NRG1: variants seen among roughly 807,000 people sequenced by gnomAD.
NRG1 encodes the protein neuregulin 1, also known as pro-neuregulin-1, membrane-bound isoform.
In NRG1, 18 loss-of-function variants were observed where a neutral mutation model predicts 63.8. The observed-to-expected ratio is 0.28, with a 90% CI of 0.19 to 0.42. NRG1 has a LOEUF of 0.42. Among genes scored for constraint, NRG1 ranks in the 10% least tolerant of loss-of-function variants. NRG1 has a pLI of 1.00. For missense variants in NRG1, 762 were observed against 814.7 expected, an observed-to-expected ratio of 0.94 and a Z score of 0.79; for synonymous variants, 302 against 301.3, an observed-to-expected ratio of 1.00 and a Z score of -0.02.
intron 1 of NRG1, among the ~76,000 whole-genome samples, chr8:32,073,179 C>T (rs966898801): frequency 2.4e-4 from 37 of 152,110 alleles, no homozygotes; most frequent in Middle Eastern, 3.2e-3. Flanking sequence ...TTGGGTGTTC[C>T]GCGTCATTCA....
chr8:32,000,947 C>G (rs1812823283), intron 1 of NRG1, among the ~76,000 whole-genome samples: 1 of 151,952 alleles, frequency 6.6e-6, no homozygotes, highest in Non-Finnish European at 1.5e-5. Flanking sequence ...CCCTATTACA[C>G]ATACAAAATC....
At chr8:31,903,672 T>G (rs1431514919) in intron 1 of NRG1, among the ~76,000 whole-genome samples, 1 of 152,164 alleles carries the variant, frequency 6.6e-6, no homozygotes, top group Non-Finnish European at 1.5e-5. Flanking sequence ...GATTTTATCT[T>G]GGCCAGGCAT....
At chr8:32,604,164 T>G (rs1844854404) in intron 2 of NRG1, among the ~76,000 whole-genome samples, 1 of 152,074 alleles carries the variant, frequency 6.6e-6, no homozygotes, top group South Asian at 2.1e-4. Context: ...CAGGAGGGGC[T>G]TGGTGAAGCA....
At chr8:32,153,629 T>C (rs1301160659) in intron 1 of NRG1, among the ~76,000 whole-genome samples, 1 of 152,210 alleles carries the variant, frequency 6.6e-6, no homozygotes, top group Admixed American at 6.5e-5. Context: ...TAGCAAAATA[T>C]TGCATACATT....
At chr8:31,834,307 G>GCATGCACACACA (rs1196901584) in intron 1 of NRG1, among the ~76,000 whole-genome samples, 15 of 119,516 alleles carry the variant, frequency 1.3e-4, no homozygotes, top group East Asian at 6.2e-4. Flanking sequence ...GCGCACGCGC[G>GCATGCACACACA]CACACACACA....
intron 1 of NRG1, among the ~76,000 whole-genome samples, chr8:32,244,470 G>A (rs1353761581): frequency 6.6e-6 from 1 of 152,118 alleles, no homozygotes; most frequent in Non-Finnish European, 1.5e-5. Flanking sequence ...GTACAATCAG[G>A]AAATTAAAGA....
At chr8:32,255,592 G>C (rs925170458) in intron 1 of NRG1, among the ~76,000 whole-genome samples, 12 of 152,128 alleles carry the variant, frequency 7.9e-5, no homozygotes, top group Admixed American at 6.5e-4. Context: ...TGAAGAAATG[G>C]GCTTCTCTTT....
At chr8:32,540,962 T>A (rs1049185617) in intron 1 of NRG1, among the ~76,000 whole-genome samples, 1 of 152,246 alleles carries the variant, frequency 6.6e-6, no homozygotes, top group African/African-American at 2.4e-5. Context: ...TTCTGCTAAA[T>A]CATCTTTAAA....
chr8:32,426,987 C>A (rs1227293305), intron 1 of NRG1, among the ~76,000 whole-genome samples: 2 of 151,786 alleles, frequency 1.3e-5, no homozygotes, highest in East Asian at 3.9e-4. Context: ...ATCCACTTGT[C>A]CTTTTTTTTT....
rs1276862996 is a variant in NRG1, at chr8:32,109,629, A to C, written c.37+470198A>C. On this transcript the variant is annotated intron_variant, in intron 1 of 10. Transcript: ENST00000519301. The stretch of plus-strand genomic sequence containing the variant: ...CAAACACAAGTGAGGCATTACATCC[A>C]GGAGGTCATAGTTAGTTGTGTGTGT... Among the ~76,000 whole-genome samples, 3 of 152,124 alleles carry C rather than the reference A, an allele frequency of 2.0e-5. No homozygotes were observed. The East Asian group carries it at 5.8e-4, about 29-fold the overall frequency.
intron 1 of NRG1, among the ~76,000 whole-genome samples, chr8:31,745,758 G>A (rs937586416): frequency 2.6e-5 from 4 of 151,862 alleles, no homozygotes; most frequent in Non-Finnish European, 4.4e-5. Context: ...ATGTACTGAA[G>A]AGCCATGTTA....
chr8:31,776,400 G>A (rs1819139829), intron 1 of NRG1, among the ~76,000 whole-genome samples: 1 of 152,136 alleles, frequency 6.6e-6, no homozygotes, highest in African/African-American at 2.4e-5. Flanking sequence ...AAGCCTCTGT[G>A]CTGGAAATGA....
chr8:31,663,500 G>C (rs567504828), intron 1 of NRG1, among the ~76,000 whole-genome samples: 13 of 152,134 alleles, frequency 8.5e-5, no homozygotes, highest in Non-Finnish European at 1.8e-4. Context: ...GGATGAGGGT[G>C]TATGTGTGTC....
At chr8:32,361,882 GCT>G (rs1320104458) in intron 1 of NRG1, among the ~76,000 whole-genome samples, 4 of 152,120 alleles carry the variant, frequency 2.6e-5, no homozygotes, top group African/African-American at 9.7e-5. Flanking sequence ...CCTGCTTCCA[GCT>G]CTTCTGCTTC....
chr8:32,111,517 C>A (rs780351684), intron 1 of NRG1, among the ~76,000 whole-genome samples: 1 of 152,200 alleles, frequency 6.6e-6, no homozygotes, highest in Non-Finnish European at 1.5e-5. Context: ...TCTGTCACAT[C>A]TTCATTTTGC....
At chr8:31,891,947 C>A (rs776368) in intron 1 of NRG1, among the ~76,000 whole-genome samples, 30,068 of 151,898 alleles carry the variant, frequency 0.2, 4,213 homozygotes, top group African/African-American at 0.4. Context: ...ACTTTGAAAC[C>A]ATAAAATTAA....
chr8:32,221,805 T>TA (rs397823914), intron 1 of NRG1, among the ~76,000 whole-genome samples: 1 of 152,026 alleles, frequency 6.6e-6, no homozygotes, highest in Non-Finnish European at 1.5e-5. Context: ...GTATTTTTTT[T>TA]AAACTGGTCT....
rs1399575194 is a variant in NRG1 at position 32,338,668 on chromosome 8, T to A, written c.38-257160T>A. Reference sequence around the variant, plus strand: ...CTTTTCAGTAAAATAAAAAAAGGATTGATATTTTATGAAACATTTTTATAC... The same window carrying A: ...CTTTTCAGTAAAATAAAAAAAGGATAGATATTTTATGAAACATTTTTATAC... On this transcript the variant is annotated intron_variant, in intron 1 of 10. Coordinates refer to the NRG1 transcript ENST00000519301. Among the ~76,000 whole-genome samples the A allele has an allele frequency of 2.0e-5, 3 of 152,140 alleles. No homozygotes were observed. The East Asian group carries it at 5.8e-4, about 29-fold the overall frequency.
intron 7 of NRG1, among the ~76,000 whole-genome samples, chr8:32,745,675 G>GGGGTGTGTGTGT (rs1554661331): frequency 3.8e-4 from 58 of 151,296 alleles, no homozygotes; most frequent in Middle Eastern, 6.9e-3. Flanking sequence ...GTGTGTGGGG[G>GGGGTGTGTGTGT]GTGTGTGTGT....
Sources: gnomAD v4.1 joint callset for allele counts (sites outside exome capture counted in the v4.1 genomes callset) on GRCh38, gnomAD v4.1.1 for gene constraint, MANE v1.5 for transcripts, NCBI Gene and HGNC (gene_info 2026-07-23, HGNC 2026-07-21) for gene names.